Variants in MTA3 observed in about 807,000 individuals in gnomAD.
The protein encoded by MTA3 is metastasis-associated protein MTA3.
In MTA3, 34 loss-of-function variants were observed where a neutral mutation model predicts 83.5. The ratio of observed to expected loss-of-function variants is 0.41; its 90% CI spans 0.31 to 0.54. MTA3 has a LOEUF of 0.54. Ranked by LOEUF, MTA3 falls within the 20% of genes least tolerant of loss-of-function variation. The pLI is 0.33. For missense variants in MTA3, 761 were observed against 726.4 expected, an observed-to-expected ratio of 1.05 and a Z score of -0.55; for synonymous variants, 303 against 252.7, an observed-to-expected ratio of 1.20 and a Z score of -1.89.
chr2:42,756,714 C>T lies in MTA3; in HGVS notation c.*3315C>T, dbSNP rs1670261867. The T allele has an allele frequency of 1.0e-6, 1 of 985,396 alleles. No individual in the cohort carries two copies. The highest frequency in any genetic ancestry group is 1.2e-6 in the Non-Finnish European group (1 of 829,938). The allele number at this position is 985,396 out of a possible 1,614,324, so 61.0% of individuals were successfully genotyped here. ...CAGTTAGCAGCCCCTCCTCACCATT[C>T]CCCCCAGGAAGGCCATGTCCCAGTT... On this transcript the variant is annotated 3_prime_UTR_variant, in exon 17 of 17. Transcript: ENST00000405094.
chr2:42,662,763 G>A (rs945898710), intron 8 of MTA3, among the ~76,000 whole-genome samples: 15 of 139,022 alleles, frequency 1.1e-4, no homozygotes, highest in African/African-American at 1.9e-4. Context: ...ACAGAGTCTC[G>A]CCCTGTCGCC....
At chr2:42,707,756 ATATAC>A (rs1022343124) in intron 12 of MTA3, 142 bp from the exon 13 acceptor site, 17 of 836,948 alleles carry the variant, frequency 2.0e-5, no homozygotes, top group African/African-American at 5.2e-5. Flanking sequence ...AAAAAAACAA[ATATAC>A]TATTATGTTT....
chr2:42,751,289 C>A (rs747029036), intron 16 of MTA3, among the ~76,000 whole-genome samples: 1 of 151,994 alleles, frequency 6.6e-6, no homozygotes, highest in Non-Finnish European at 1.5e-5. Flanking sequence ...TCAGTCAGGG[C>A]GAGTACGTAC....
upstream of MTA3, among the ~76,000 whole-genome samples, chr2:42,567,769 C>T (rs552905430): frequency 3.3e-5 from 5 of 152,166 alleles, no homozygotes; most frequent in South Asian, 1.0e-3. Flanking sequence ...TGTCCATCGA[C>T]ATGAAACTGA....
chr2:42,557,330 A>G (rs1179410790), intron 2 of MTA3, among the ~76,000 whole-genome samples: 2 of 86,280 alleles, frequency 2.3e-5, no homozygotes, highest in Non-Finnish European at 2.2e-5. Context: ...CACAGTCCAG[A>G]TTTTTCTTCA....
chr2:42,707,850 T>C, intron 12 of MTA3, 53 bp from the exon 13 acceptor site: 4 of 1,424,620 alleles, frequency 2.8e-6, no homozygotes, highest in East Asian at 2.4e-5. Flanking sequence ...TTTGTGTTGA[T>C]GTTACAAATT....
chr2:42,672,846 CT>C (rs70963344), intron 8 of MTA3, among the ~76,000 whole-genome samples: 40 of 114,308 alleles, frequency 3.5e-4, no homozygotes, highest in African/African-American at 6.3e-4. Context: ...GTATAAAAAG[CT>C]TTTTTTTTTT....
intron 9 of MTA3, among the ~76,000 whole-genome samples, chr2:42,683,776 G>A (rs933948563): frequency 6.6e-6 from 1 of 152,102 alleles, no homozygotes; most frequent in South Asian, 2.1e-4. Context: ...CAGACCTCAG[G>A]GGGCAGTGGG....
chr2:42,667,316 T>C (rs2104394775), intron 8 of MTA3, among the ~76,000 whole-genome samples: 1 of 152,290 alleles, frequency 6.6e-6, no homozygotes, highest in South Asian at 2.1e-4. Flanking sequence ...ATTACATACA[T>C]TCACATTGTT....
intron 8 of MTA3, among the ~76,000 whole-genome samples, chr2:42,667,618 AG>A (rs1558562463): frequency 7.0e-5 from 4 of 57,514 alleles, no homozygotes; most frequent in Non-Finnish European, 1.3e-4. Context: ...GTATAGAGAG[AG>A]AAAGAGAGAG....
intron 8 of MTA3, among the ~76,000 whole-genome samples, chr2:42,673,586 C>A (rs922904247): frequency 6.6e-6 from 1 of 152,168 alleles, no homozygotes; most frequent in Admixed American, 6.5e-5. Context: ...GAAGCAGATT[C>A]TGATAGCAGT....
At chr2:42,645,815 G>T (rs563611074) in intron 6 of MTA3, among the ~76,000 whole-genome samples, 1 of 152,338 alleles carries the variant, frequency 6.6e-6, no homozygotes, top group South Asian at 2.1e-4. Flanking sequence ...AGCAAGTGCT[G>T]ATGTAGAAGC....
intron 11 of MTA3, among the ~76,000 whole-genome samples, chr2:42,699,962 A>G (rs997475364): frequency 1.3e-5 from 2 of 152,202 alleles, no homozygotes; most frequent in African/African-American, 4.8e-5. Flanking sequence ...TAGATCAGAT[A>G]GAATATGATA....
intron 2 of MTA3, among the ~76,000 whole-genome samples, chr2:42,551,268 G>A (rs1324799997): frequency 1.3e-5 from 2 of 151,788 alleles, no homozygotes; most frequent in African/African-American, 2.4e-5. Context: ...TTGGCTCACT[G>A]CAACCTCTGT....
chr2:42,698,433 C>T (rs572253171), intron 11 of MTA3: 3 of 151,410 alleles, frequency 2.0e-5, no homozygotes, highest in South Asian at 2.1e-4. Context: ...TGGTAGTTCA[C>T]GCCTATAATC....
At chr2:42,695,995 T>C (rs1325823515) in intron 10 of MTA3, among the ~76,000 whole-genome samples, 156 bp downstream of exon 10, 4 of 152,182 alleles carry the variant, frequency 2.6e-5, no homozygotes, top group African/African-American at 9.6e-5. Flanking sequence ...TAGGATATTA[T>C]TTAAGATTTT....
At chr2:42,590,483 A>G (rs548731526) in intron 3 of MTA3, among the ~76,000 whole-genome samples, 2 of 152,292 alleles carry the variant, frequency 1.3e-5, no homozygotes, top group East Asian at 1.9e-4. Context: ...ATGCCCAGTC[A>G]TAAACTTTAC....
In MTA3 at chr2:42,644,145, T is replaced by C. The variant is rs1687947041; in HGVS notation, c.400T>C (p.Leu134=). 1.2e-6 allele frequency: 2 copies of C among 1,604,400 alleles called. No individual in the cohort carries two copies. The highest frequency in any genetic ancestry group is 1.3e-5 in the African/African-American group (1 of 74,494). The stretch of plus-strand genomic sequence containing the variant: ...TTTTCAGGATACCTTCTTCTACTCA[T>C]TGGTCTATGACCCCTCATTGAAAAC... ...LDKEDTFFYS[L]VYDPSLKTLL... Residue 134 remains leucine (L), a synonymous_variant, in exon 6 of 17, where the codon TTG becomes CTG. Transcript: ENST00000405094.
intron 8 of MTA3, among the ~76,000 whole-genome samples, chr2:42,660,334 G>T (rs549545204): frequency 3.3e-5 from 5 of 152,302 alleles, no homozygotes; most frequent in Admixed American, 2.0e-4. Context: ...TGATCCACCC[G>T]CCTCGGCCTT....
Sources: allele counts gnomAD v4.1 joint callset (sites outside exome capture counted in the v4.1 genomes callset), GRCh38; gene constraint gnomAD v4.1.1; transcripts MANE v1.5; gene names NCBI Gene and HGNC (gene_info 2026-07-23, HGNC 2026-07-21).